BCKDHB: variants seen among roughly 807,000 people sequenced by gnomAD.
The protein encoded by BCKDHB is branched chain keto acid dehydrogenase E1 subunit beta.
BCKDHB carries 41 observed loss-of-function variants against 48.5 expected under a neutral mutation model. The ratio of observed to expected loss-of-function variants is 0.85; its 90% CI spans 0.66 to 1.10. The LOEUF (loss-of-function observed/expected upper bound fraction) is 1.10. BCKDHB is among the 50% of genes least tolerant of loss of function. BCKDHB has a pLI of 0.00. For synonymous variants in BCKDHB, 201 were observed against 174.8 expected (o/e 1.15, Z -1.18); for missense variants, 496 against 494.2 (o/e 1.00, Z -0.03).
chr6:80,426,100 T>A, the BCKDHB span, among the ~76,000 whole-genome samples: 1 of 152,080 alleles, frequency 6.6e-6, no homozygotes, highest in Non-Finnish European at 1.5e-5. Context: ...GTAGAGAGAG[T>A]CTTCTTATAT....
intron 3 of BCKDHB, among the ~76,000 whole-genome samples, chr6:80,161,085 A>G (rs1772289097): frequency 6.6e-6 from 1 of 152,154 alleles, no homozygotes; most frequent in Non-Finnish European, 1.5e-5. Context: ...CAAAGCCACT[A>G]ACCACTGAAT....
At chr6:80,256,365 C>A (rs1582450835) in intron 8 of BCKDHB, among the ~76,000 whole-genome samples, 1 of 152,132 alleles carries the variant, frequency 6.6e-6, no homozygotes, top group Non-Finnish European at 1.5e-5. Flanking sequence ...AGACTATAAA[C>A]CTGTGCGGCA....
At chr6:80,269,600 G>C (rs942811832) in intron 8 of BCKDHB, among the ~76,000 whole-genome samples, 1 of 151,956 alleles carries the variant, frequency 6.6e-6, no homozygotes, top group African/African-American at 2.4e-5. Context: ...TAAAAAGTTG[G>C]AGAAGTAGAT....
At chr6:80,120,998 C>G (rs1286871940) in intron 1 of BCKDHB, among the ~76,000 whole-genome samples, 1 of 152,120 alleles carries the variant, frequency 6.6e-6, no homozygotes, top group African/African-American at 2.4e-5. Context: ...GGTTTTAGGT[C>G]TAACATTTAA....
chr6:80,113,065 CATT>C (rs1272542201), intron 1 of BCKDHB, among the ~76,000 whole-genome samples: 2 of 152,188 alleles, frequency 1.3e-5, no homozygotes, highest in Non-Finnish European at 2.9e-5. Flanking sequence ...TAAGAGACAT[CATT>C]GTTTGCCATT....
At chr6:80,326,962 A>G (rs1361584277) in intron 9 of BCKDHB, among the ~76,000 whole-genome samples, 1 of 152,138 alleles carries the variant, frequency 6.6e-6, no homozygotes, top group Non-Finnish European at 1.5e-5. Context: ...CTTGACTCCA[A>G]TTTCCAGCCT....
chr6:80,348,185 A>G (rs990678554), downstream of BCKDHB, among the ~76,000 whole-genome samples: 2 of 151,874 alleles, frequency 1.3e-5, no homozygotes, highest in Admixed American at 6.6e-5. Flanking sequence ...ACAAGGTGTT[A>G]TATAGCTAAC....
intron 9 of BCKDHB, among the ~76,000 whole-genome samples, chr6:80,323,994 G>C (rs1358221080): frequency 1.3e-5 from 2 of 152,058 alleles, no homozygotes; most frequent in African/African-American, 2.4e-5. Context: ...GGGTGGTCTC[G>C]ATCTCCTGAC....
At chr6:80,244,184 A>G (rs1369235205) in intron 8 of BCKDHB, among the ~76,000 whole-genome samples, 1 of 152,212 alleles carries the variant, frequency 6.6e-6, no homozygotes, top group African/African-American at 2.4e-5. Flanking sequence ...ATGAAAGTGA[A>G]GAAAGGCTGG....
chr6:80,264,830 G>C (rs976676662), intron 8 of BCKDHB, among the ~76,000 whole-genome samples: 3 of 152,056 alleles, frequency 2.0e-5, no homozygotes, highest in African/African-American at 7.2e-5. Context: ...GAAATTAGAT[G>C]TATTAAGCAC....
intron 6 of BCKDHB, among the ~76,000 whole-genome samples, chr6:80,171,921 A>C (rs1206974728): frequency 1.3e-5 from 2 of 152,176 alleles, no homozygotes; most frequent in East Asian, 3.9e-4. Context: ...TGTGACTGCT[A>C]ATTTCTTCAC....
chr6:80,210,307 T>A (rs1774863974), intron 8 of BCKDHB, among the ~76,000 whole-genome samples: 1 of 152,110 alleles, frequency 6.6e-6, no homozygotes, highest in African/African-American at 2.4e-5. Context: ...TGTATATTCA[T>A]CTCATAAACA....
the BCKDHB span, among the ~76,000 whole-genome samples, chr6:80,380,768 C>T: frequency 1.3e-5 from 2 of 151,774 alleles, no homozygotes; most frequent in South Asian, 4.2e-4. Context: ...AAAAACTGGG[C>T]AAAGGAGATG....
At chr6:80,271,891 T>C (rs1328860394) in intron 8 of BCKDHB, among the ~76,000 whole-genome samples, 1 of 152,148 alleles carries the variant, frequency 6.6e-6, no homozygotes, top group Non-Finnish European at 1.5e-5. Context: ...AGGACATCTT[T>C]TAGAAAACAC....
chr6:80,246,149 C>A (rs969939300), intron 8 of BCKDHB, among the ~76,000 whole-genome samples: 17 of 152,046 alleles, frequency 1.1e-4, no homozygotes, highest in Non-Finnish European at 2.1e-4. Context: ...TTTAGGATAA[C>A]CTTGATATTG....
At chr6:80,208,120 A>C (rs1427615270) in intron 8 of BCKDHB, among the ~76,000 whole-genome samples, 1 of 151,880 alleles carries the variant, frequency 6.6e-6, no homozygotes, top group Non-Finnish European at 1.5e-5. Flanking sequence ...GCTTGGAGTC[A>C]TTGAGATTAT....
At chr6:80,323,836 C>T (rs1021772670) in intron 9 of BCKDHB, among the ~76,000 whole-genome samples, 1 of 152,132 alleles carries the variant, frequency 6.6e-6, no homozygotes, top group African/African-American at 2.4e-5. Context: ...GCAGTGGCGC[C>T]ATCTTGGCTC....
chr6:80,287,281 A>C (rs1233168241), intron 9 of BCKDHB, among the ~76,000 whole-genome samples: 1 of 152,188 alleles, frequency 6.6e-6, no homozygotes, highest in Non-Finnish European at 1.5e-5. Flanking sequence ...CAGGATGTTC[A>C]CTTACATAGT....
At chr6:80,391,052 TGA>T in the BCKDHB span, among the ~76,000 whole-genome samples, 1 of 152,162 alleles carries the variant, frequency 6.6e-6, no homozygotes, top group African/African-American at 2.4e-5. Flanking sequence ...TCTTCAATTC[TGA>T]GACTCAGACT....
Sources: allele counts gnomAD v4.1 joint callset (sites outside exome capture counted in the v4.1 genomes callset), GRCh38; gene constraint gnomAD v4.1.1; transcripts MANE v1.5; gene names NCBI Gene and HGNC (gene_info 2026-07-23, HGNC 2026-07-21).